Variants in SYNPO2L observed in about 807,000 individuals in gnomAD.
SYNPO2L encodes synaptopodin 2 like.
In SYNPO2L, 34 loss-of-function variants were observed where a neutral mutation model predicts 47.5. The ratio of observed to expected loss-of-function variants is 0.72; its 90% CI spans 0.54 to 0.95. SYNPO2L has a LOEUF of 0.95. SYNPO2L is among the 40% of genes least tolerant of loss of function. SYNPO2L has a pLI of 0.00. For missense variants in SYNPO2L, 1,246 were observed against 1,282.0 expected (o/e 0.97, Z 0.43); for synonymous variants, 536 against 524.9 (o/e 1.02, Z -0.29).
At position 73,653,438 on chromosome 10, in the gene SYNPO2L, C is replaced by T. The variant is rs200006608; in HGVS notation, c.473G>A (p.Arg158His). Residue 158 changes from arginine (R) to histidine (H), a missense_variant, in exon 3 of 4, where the codon CGC becomes CAC. Physicochemically the swap from Arg to His is conservative, Grantham distance 29 (BLOSUM62 0). Coordinates refer to ENST00000394810, the MANE Select transcript of SYNPO2L (RefSeq NM_001114133.3). ...PATQEKPRRPRRRGPTRPTPP... is the reference protein window; with the variant it reads ...PATQEKPRRPHRRGPTRPTPP... ...GGTGGGCCTTGTGGGGCCTCGGCGG[C>T]GAGGTCGACGGGGCTTCTCCTGGGT... is the stretch of plus-strand genomic sequence containing the variant. The T allele has an allele frequency of 8.5e-4, 1,315 of 1,551,394 alleles. No homozygotes were observed. The highest frequency in any genetic ancestry group is 1.1e-3 in the Non-Finnish European group (1,215 of 1,146,776).
chr10:73,648,769 C>A lies in SYNPO2L; in HGVS notation c.883G>T (p.Val295Leu). 1 of 1,611,422 alleles carries A rather than the reference C, an allele frequency of 6.2e-7. No individual in the cohort carries two copies. Among genetic ancestry groups the A allele is most frequent in the Non-Finnish European group, 8.5e-7 (1 of 1,178,410 alleles). Residue 295 changes from valine (V) to leucine (L), a missense_variant, in exon 4 of 4, where the codon GTA (valine) becomes TTA (leucine). Physicochemically the swap from Val to Leu is conservative, Grantham distance 32. This residue lies in a region of SYNPO2L where 1,037 missense variants were observed against 1,021.5 expected (regional missense o/e 1.02). Transcript: ENST00000394810. ...TGCCGCCGTTTCTTAAACATAAGTA[C>A]CCCTTTGGAGTGGGGGTTGGGGGCT... is the stretch of plus-strand genomic sequence containing the variant. ...TAAPNPHSKG[V>L]LMFKKRRQRA...
chr10:73,650,768 C>A, intron 3 of SYNPO2L: 1 of 1,324,520 alleles, frequency 7.5e-7, no homozygotes, highest in Non-Finnish European at 9.7e-7. Flanking sequence ...GGCAGTGAAA[C>A]TCTCCTGAGA....
intron 3 of SYNPO2L, chr10:73,651,090 G>C: frequency 1.4e-6 from 2 of 1,470,468 alleles, no homozygotes. Flanking sequence ...CTTGTCCCCA[G>C]AGCTGGCAGC....
chr10:73,650,771 T>C, intron 3 of SYNPO2L: 1 of 1,331,916 alleles, frequency 7.5e-7, no homozygotes, highest in East Asian at 2.9e-5. Context: ...AGTGAAACTC[T>C]CCTGAGAAAA....
At position 73,647,815 on chromosome 10, in the gene SYNPO2L, G is replaced by A; in HGVS notation, c.1837C>T (p.Arg613Cys). Residue 613 changes from arginine (R) to cysteine (C), a missense_variant, in exon 4 of 4, where the codon CGC (arginine) becomes TGC (cysteine). Physicochemically the swap from Arg to Cys is radical, Grantham distance 180. Around this residue, in one of 3 missense-constraint regions of SYNPO2L, gnomAD observed 1,037 missense variants for 1,021.5 expected, o/e 1.02. Coordinates refer to ENST00000394810, the MANE Select transcript of SYNPO2L (RefSeq NM_001114133.3). The part of the protein sequence containing the change: ...APEPPSAREQ[R>C]ISVPAARTGI... ...GTGCGGGCAGCTGGCACAGAGATGC[G>A]CTGCTCGCGAGCGCTGGGGGGCTCA... The A allele has an allele frequency of 6.3e-7, 1 of 1,597,336 alleles. No homozygotes were observed. Among genetic ancestry groups the A allele is most frequent in the Middle Eastern group, 1.7e-4 (1 of 5,860 alleles).
In SYNPO2L at chr10:73,648,802, G is replaced by A; in HGVS notation, c.850C>T (p.Leu284Phe). The A allele has an allele frequency of 6.3e-7, 1 of 1,594,618 alleles. No homozygotes were observed. Among genetic ancestry groups the A allele is most frequent in the Non-Finnish European group, 8.5e-7 (1 of 1,169,992 alleles). ...KTKCRTIASL[L>F]TAAPNPHSKG... ...GAGTGGGGGTTGGGGGCTGCAGTGA[G>A]CAGGGATGCAATTGTCCTGCATTTG... Residue 284 changes from leucine to phenylalanine, a missense_variant, in exon 4 of 4, where the codon CTC becomes TTC. By Grantham distance (22) the Leu-to-Phe change is conservative. Around this residue, in one of 3 missense-constraint regions of SYNPO2L, gnomAD observed 1,037 missense variants for 1,021.5 expected, o/e 1.02. Transcript: ENST00000394810.
chr10:73,652,189 G>A (rs1244353842), intron 3 of SYNPO2L, among the ~76,000 whole-genome samples: 1 of 150,486 alleles, frequency 6.6e-6, no homozygotes, highest in Non-Finnish European at 1.5e-5. Flanking sequence ...GTCTTGGTCT[G>A]TTGCTCACGC....
At chr10:73,652,059 T>A (rs1176491501) in intron 3 of SYNPO2L, among the ~76,000 whole-genome samples, 1 of 92,776 alleles carries the variant, frequency 1.1e-5, no homozygotes, top group Non-Finnish European at 1.9e-5. Flanking sequence ...AGTGCAAGAC[T>A]CTATCTCAAA....
In SYNPO2L at chr10:73,648,176, G is replaced by C; in HGVS notation, c.1476C>G (p.Pro492=). 1 of 1,560,854 alleles carries C rather than the reference G, an allele frequency of 6.4e-7. No individual in the cohort carries two copies. The highest frequency in any genetic ancestry group is 8.7e-7 in the Non-Finnish European group (1 of 1,155,582). ...TTSVIFRPLA[P]KRANDSLGGL... ...CCCCCAGGCTGTCGTTCGCCCTTTT[G>C]GGGGCTAAAGGCCGGAAAATAACCG... The change falls in exon 4 of 4, where the codon CCC becomes CCG. Residue 492 remains proline (P), a synonymous_variant. Coordinates refer to ENST00000394810, the MANE Select transcript of SYNPO2L (RefSeq NM_001114133.3).
In SYNPO2L at chr10:73,646,563, G is replaced by A; in HGVS notation, c.*155C>T. 1 of 1,294,146 alleles carries A rather than the reference G, an allele frequency of 7.7e-7. No individual in the cohort carries two copies. The highest frequency in any genetic ancestry group is 1.5e-5 in the African/African-American group (1 of 66,368). 80.2% of individuals were successfully genotyped at this position (1,294,146 alleles called of 1,614,324 possible). A position where few individuals can be genotyped will look rare whatever the true frequency, so the allele number is the denominator to read the frequency against. On this transcript the variant is annotated 3_prime_UTR_variant, in exon 4 of 4. Transcript: ENST00000394810. ...AAGCGGCAGGGAGGTAGAGAGTGAG[G>A]AGGAAGGTGGGGGAAGGGGACATCA...
rs780472661 is a variant in SYNPO2L at position 73,647,487 on chromosome 10, GGA to G, written c.2163_2164del (p.Pro722ThrfsTer6). On this transcript the variant is annotated frameshift_variant, in exon 4 of 4. Transcript: ENST00000394810. LOFTEE classifies it high-confidence loss of function. ...TGGGGGCTTAGGAGCCACTGGGGGTGGAGTCTTAGGAGTCATAGGGGGCGGGG... is the reference window on the plus strand; with the variant it reads ...TGGGGGCTTAGGAGCCACTGGGGGTGGTCTTAGGAGTCATAGGGGGCGGGG... 4 of 1,581,116 alleles carry G rather than the reference GGA, an allele frequency of 2.5e-6. No individual in the cohort carries two copies. The highest frequency in any genetic ancestry group is 1.7e-6 in the Non-Finnish European group (2 of 1,160,848).
Position 73,653,602 on chromosome 10 carries a change from C to G in SYNPO2L, c.309G>C (p.Val103=), listed in dbSNP as rs1461581447. ...VQSPSPHELQ[V]LSPLSPLSPE... ...GACTTAGTGGAGATAAGGGTGACAG[C>G]ACCTGAAGCTCATGGGGAGATGGAG... Residue 103 remains valine (V), a synonymous_variant, in exon 3 of 4, where the codon GTG becomes GTC. Transcript: ENST00000394810. 2 of 1,551,658 alleles carry G rather than the reference C, an allele frequency of 1.3e-6. No individual in the cohort carries two copies. The highest frequency in any genetic ancestry group is 1.7e-6 in the Non-Finnish European group (2 of 1,146,620).
Position 73,648,394 on chromosome 10 carries a change from G to T in SYNPO2L, c.1258C>A (p.Gln420Lys). 6.2e-7 allele frequency: 1 copy of T among 1,607,326 alleles called. No individual in the cohort carries two copies. Among genetic ancestry groups the T allele is most frequent in the Non-Finnish European group, 8.5e-7 (1 of 1,179,762 alleles). ...PAAMLNGEGL[Q>K]SPPRAQSAPP... The stretch of plus-strand genomic sequence containing the variant: ...GCACTCTGGGCCCGAGGTGGTGACT[G>T]CAGGCCTTCCCCGTTGAGCATGGCT... Residue 420 changes from glutamine (Q) to lysine (K), a missense_variant, in exon 4 of 4, where the codon CAG becomes AAG. Physicochemically the swap from Gln to Lys is moderately conservative, Grantham distance 53 (BLOSUM62 1). Transcript: ENST00000394810.
rs1020729785 is a variant in SYNPO2L, at chr10:73,647,008, C to T, written c.2644G>A (p.Ala882Thr). 2 of 1,613,250 alleles carry T rather than the reference C, an allele frequency of 1.2e-6. No homozygotes were observed. The highest frequency in any genetic ancestry group is 2.7e-5 in the African/African-American group (2 of 74,896). Residue 882 changes from alanine to threonine, a missense_variant, in exon 4 of 4, where the codon GCC becomes ACC. Physicochemically the swap from Ala to Thr is moderately conservative, Grantham distance 58 (BLOSUM62 0). Coordinates refer to ENST00000394810, the MANE Select transcript of SYNPO2L (RefSeq NM_001114133.3). ...GPIASGSPKT[A>T]RVQEIRRFST... ...AACCGGCGAATCTCCTGGACTCGGG[C>T]AGTTTTGGGGGACCCTGAGGCGATA...
rs775956196 is a variant in SYNPO2L at position 73,648,625 on chromosome 10, C to T, written c.1027G>A (p.Ala343Thr). The T allele has an allele frequency of 6.2e-7, 1 of 1,613,910 alleles. No individual in the cohort carries two copies. ...SELDEEAFSD[A>T]RSLTNQSDWD... ...TCAGATTGATTGGTGAGGCTGCGGG[C>T]GTCAGAGAAGGCTTCTTCGTCCAGC... Residue 343 changes from alanine (A) to threonine (T), a missense_variant, in exon 4 of 4, where the codon GCC becomes ACC. Coordinates refer to ENST00000394810, the MANE Select transcript of SYNPO2L (RefSeq NM_001114133.3).
In SYNPO2L at chr10:73,647,951, G is replaced by T; in HGVS notation, c.1701C>A (p.Pro567=). 6.5e-7 allele frequency: 1 copy of T among 1,532,608 alleles called. No homozygotes were observed. Among genetic ancestry groups the T allele is most frequent in the Admixed American group, 2.2e-5 (1 of 46,052 alleles). The allele number at this position is 1,532,608 out of a possible 1,614,324, so 94.9% of individuals were successfully genotyped here. ...RPVTPGGAPE[P]PAPPSAAAMT... ...TGGCAGCTGCGCTAGGAGGAGCGGGGGGCTCTGGAGCTCCACCTGGGGTGA... is the reference window on the plus strand; with the variant it reads ...TGGCAGCTGCGCTAGGAGGAGCGGGTGGCTCTGGAGCTCCACCTGGGGTGA... Residue 567 remains proline, a synonymous_variant, in exon 4 of 4, where the codon CCC becomes CCA. Transcript: ENST00000394810.
rs1283937431 is a variant in SYNPO2L at position 73,647,774 on chromosome 10, C to T, written c.1878G>A (p.Glu626=). Residue 626 remains glutamate (E), a synonymous_variant, in exon 4 of 4, where the codon GAG becomes GAA. Transcript: ENST00000394810. ...VPAARTGILQ[E]ARRRGTRKQM... is the part of the protein sequence containing the mutation. ...GCTTCCGGGTCCCCCGGCGCCGGGC[C>T]TCCTGCAGGATACCCGTGCGGGCAG... is the stretch of plus-strand genomic sequence containing the variant. The T allele has an allele frequency of 1.2e-6, 2 of 1,613,524 alleles. No homozygotes were observed. Among genetic ancestry groups the T allele is most frequent in the Admixed American group, 3.3e-5 (2 of 60,000 alleles).
In SYNPO2L at chr10:73,647,430, C is replaced by G. The variant is rs2081772040; in HGVS notation, c.2222G>C (p.Gly741Ala). ...SRGLLDGLVN[G>A]AASSAGIPEP... ...AGGGATTCCAGCCGAAGAGGCTGCC[C>G]CATTCACGAGCCCATCAAGGAGCCC... The change falls in exon 4 of 4, where the codon GGG becomes GCG. Residue 741 changes from glycine (G) to alanine (A), a missense_variant. Around this residue, in one of 3 missense-constraint regions of SYNPO2L, gnomAD observed 1,037 missense variants for 1,021.5 expected, o/e 1.02. Coordinates refer to ENST00000394810, the MANE Select transcript of SYNPO2L (RefSeq NM_001114133.3). 1.9e-6 allele frequency: 3 copies of G among 1,610,414 alleles called. No homozygotes were observed. The African/African-American group carries it at 4.0e-5, about 22-fold the overall frequency.
chr10:73,654,792 A>G (rs2081866383), intron 1 of SYNPO2L, among the ~76,000 whole-genome samples: 1 of 152,084 alleles, frequency 6.6e-6, no homozygotes, highest in Non-Finnish European at 1.5e-5. Flanking sequence ...GCAGTGAGCC[A>G]TCATGTCACT....
Sources: gnomAD v4.1 joint callset for allele counts (sites outside exome capture counted in the v4.1 genomes callset) on GRCh38, gnomAD v4.1.1 for gene constraint, gnomAD v4.1.1 regional missense constraint, MANE v1.5 for transcripts, NCBI Gene and HGNC (gene_info 2026-07-23, HGNC 2026-07-21) for gene names.